Variants in TRIM71 observed in about 807,000 individuals in gnomAD.
The protein encoded by TRIM71 is tripartite motif containing 71.
Under a neutral mutation model 61.2 loss-of-function variants are expected in TRIM71, and 9 were observed. That is an observed-to-expected ratio of 0.15 (90% CI 0.09 to 0.26). TRIM71 has a LOEUF of 0.26. Among genes scored for constraint, TRIM71 ranks in the 10% least tolerant of loss-of-function variants. The pLI is 1.00. For synonymous variants in TRIM71, 645 were observed against 553.2 expected (o/e 1.17, Z -2.33); for missense variants, 998 against 1,238.7 (o/e 0.81, Z 2.92).
chr3:32,868,904 T>C (rs184765685), intron 1 of TRIM71, among the ~76,000 whole-genome samples: 1 of 152,204 alleles, frequency 6.6e-6, no homozygotes, highest in East Asian at 1.9e-4. Flanking sequence ...ATCCAGGCCA[T>C]AGTTGTGGGG....
rs1179414038 is a variant in TRIM71 at position 32,892,717 on chromosome 3, A to T, written c.*906A>T. On this transcript the variant is annotated 3_prime_UTR_variant, in exon 4 of 4. Transcript: ENST00000383763. The stretch of plus-strand genomic sequence containing the variant: ...ATGGTAGCTCAGGATTTTTGATTAA[A>T]CATATTCTCAAAAGTTATGCTTTCT... 1 of 152,180 alleles carries T rather than the reference A, an allele frequency of 6.6e-6. No individual in the cohort carries two copies. The highest frequency in any genetic ancestry group is 1.5e-5 in the Non-Finnish European group (1 of 68,024). 9.4% of individuals were successfully genotyped at this position (152,180 alleles called of 1,614,324 possible).
Position 32,844,095 on chromosome 3 carries a change from G to A in TRIM71, c.852+25163G>A, listed in dbSNP as rs137983172. Reference sequence around the variant, plus strand: ...ACTATGTGCTTACCCATGCTTTCTCGCGTCGTCGTTATTTTGTGTGGTTGT... The same window carrying A: ...ACTATGTGCTTACCCATGCTTTCTCACGTCGTCGTTATTTTGTGTGGTTGT... On this transcript the variant is annotated intron_variant, in intron 1 of 3. Coordinates refer to ENST00000383763, the MANE Select transcript of TRIM71 (RefSeq NM_001039111.3). Among the ~76,000 whole-genome samples the A allele has an allele frequency of 1.8e-4, 28 of 152,208 alleles. No individual in the cohort carries two copies. In the East Asian group the frequency reaches 2.1e-3, roughly 12 times the overall value.
intron 1 of TRIM71, among the ~76,000 whole-genome samples, chr3:32,868,159 A>G (rs1696759173): frequency 6.6e-6 from 1 of 152,040 alleles, no homozygotes. Flanking sequence ...TCCAATTCCA[A>G]CTGTGAACTG....
intron 1 of TRIM71, among the ~76,000 whole-genome samples, chr3:32,867,239 T>C (rs1406831993): frequency 1.3e-5 from 2 of 152,150 alleles, no homozygotes; most frequent in African/African-American, 4.8e-5. Context: ...GGAATGAATC[T>C]TGTTCAGCCA....
chr3:32,875,450 G>GTTGTTCACCCTCTAGGAGAAGAAAAA (rs1559548879), intron 2 of TRIM71, among the ~76,000 whole-genome samples: 2 of 152,174 alleles, frequency 1.3e-5, no homozygotes, highest in Non-Finnish European at 2.9e-5. Flanking sequence ...GTCAAGAAAA[G>GTTGTTCACCCTCTAGGAGAAGAAAAA]TTGTTCACCC....
chr3:32,888,778 G>A (rs997102013), intron 3 of TRIM71, among the ~76,000 whole-genome samples: 4 of 152,108 alleles, frequency 2.6e-5, no homozygotes, highest in African/African-American at 9.7e-5. Context: ...GACCTCAGGT[G>A]GTCCACCCAT....
At chr3:32,822,319 AG>A (rs2125673291) in intron 1 of TRIM71, among the ~76,000 whole-genome samples, 1 of 152,182 alleles carries the variant, frequency 6.6e-6, no homozygotes, top group Admixed American at 6.5e-5. Context: ...GGTTGGAAAA[AG>A]GGGTGCAGGT....
In TRIM71 at chr3:32,895,580, T is replaced by G. The variant is rs530007782; in HGVS notation, c.*3769T>G. On this transcript the variant is annotated 3_prime_UTR_variant, in exon 4 of 4. Coordinates refer to ENST00000383763, the MANE Select transcript of TRIM71 (RefSeq NM_001039111.3). ...AGTTTTAGGCTTGTTTTTCTGATCT[T>G]ATTTTTTTAATCCAGTGGTGCCAAA... 6.6e-6 allele frequency: 1 copy of G among 152,188 alleles called. No homozygotes were observed. The highest frequency in any genetic ancestry group is 1.5e-5 in the Non-Finnish European group (1 of 68,048). 9.4% of individuals were successfully genotyped at this position (152,188 alleles called of 1,614,324 possible).
chr3:32,849,834 A>G lies in TRIM71; in HGVS notation c.853-23984A>G, dbSNP rs186289789. 5.8e-3 allele frequency among the ~76,000 whole-genome samples: 877 copies of G among 152,296 alleles called. 13 individuals are homozygous for G. The highest frequency in any genetic ancestry group is 0.02 in the African/African-American group (845 of 41,556). ...AATCTGACCTGTGTACTTTCTCTCC[A>G]GAAAGAACTGCACGCTCAAAATTTT... On this transcript the variant is annotated intron_variant, in intron 1 of 3. Transcript: ENST00000383763.
At chr3:32,847,533 G>A (rs1442203770) in intron 1 of TRIM71, among the ~76,000 whole-genome samples, 2 of 152,118 alleles carry the variant, frequency 1.3e-5, no homozygotes, top group African/African-American at 2.4e-5. Flanking sequence ...GAACCTCTGT[G>A]CCCTTGGCTC....
intron 1 of TRIM71, among the ~76,000 whole-genome samples, chr3:32,841,649 G>A (rs998500357): frequency 4.1e-4 from 62 of 152,188 alleles, no homozygotes; most frequent in Non-Finnish European, 7.4e-4. Flanking sequence ...AAGCCCCAGA[G>A]GCAGGGATTG....
intron 2 of TRIM71, among the ~76,000 whole-genome samples, chr3:32,879,866 C>T (rs942872259): frequency 5.9e-5 from 9 of 151,472 alleles, no homozygotes; most frequent in South Asian, 4.2e-4. Context: ...CCCAGCTACT[C>T]GGGAGGATTG....
chr3:32,885,038 A>G (rs1696945304), intron 2 of TRIM71, among the ~76,000 whole-genome samples: 3 of 152,070 alleles, frequency 2.0e-5, no homozygotes, highest in African/African-American at 7.2e-5. Flanking sequence ...GGACTGTCCC[A>G]GTTTTAGCAT....
At chr3:32,875,473 A>G (rs1174853307) in intron 2 of TRIM71, among the ~76,000 whole-genome samples, 2 of 152,220 alleles carry the variant, frequency 1.3e-5, no homozygotes, top group African/African-American at 4.8e-5. Context: ...TAGGAGAAGA[A>G]AAATTGTTCA....
chr3:32,858,238 G>A (rs1201493071), intron 1 of TRIM71, among the ~76,000 whole-genome samples: 1 of 152,124 alleles, frequency 6.6e-6, no homozygotes, highest in Non-Finnish European at 1.5e-5. Flanking sequence ...CTCTCTAGCA[G>A]GGGTATATTT....
chr3:32,859,410 T>G (rs1696640905), intron 1 of TRIM71, among the ~76,000 whole-genome samples: 1 of 151,952 alleles, frequency 6.6e-6, no homozygotes, highest in South Asian at 2.1e-4. Context: ...CAGGCACACA[T>G]CAACATGCCT....
chr3:32,867,446 T>G (rs1696750872), intron 1 of TRIM71, among the ~76,000 whole-genome samples: 6 of 152,204 alleles, frequency 3.9e-5, no homozygotes, highest in Admixed American at 3.9e-4. Flanking sequence ...TGTGTATGTG[T>G]GTATATATAC....
chr3:32,876,949 T>C (rs1696857625), intron 2 of TRIM71, among the ~76,000 whole-genome samples: 1 of 152,110 alleles, frequency 6.6e-6, no homozygotes, highest in South Asian at 2.1e-4. Flanking sequence ...AGAGGTATGA[T>C]TCAAATGTTA....
chr3:32,872,421 TTAATAAAA>T (rs1274877822), intron 1 of TRIM71, among the ~76,000 whole-genome samples: 2 of 152,136 alleles, frequency 1.3e-5, no homozygotes, highest in Non-Finnish European at 2.9e-5. Context: ...ATTTTGGTTG[TTAATAAAA>T]TAAAGAACTT....
Sources: allele counts gnomAD v4.1 joint callset (sites outside exome capture counted in the v4.1 genomes callset), GRCh38; gene constraint gnomAD v4.1.1; transcripts MANE v1.5; gene names NCBI Gene and HGNC (gene_info 2026-07-23, HGNC 2026-07-21).